Variants in MSH4 observed in about 807,000 individuals in gnomAD.
MSH4 encodes mutS homolog 4, also known as mutS protein homolog 4.
A neutral mutation model predicts 113.7 loss-of-function variants in MSH4; 106 were observed. That is an observed-to-expected ratio of 0.93 (90% CI 0.80 to 1.10). The LOEUF (loss-of-function observed/expected upper bound fraction) is 1.10. Among genes scored for constraint, MSH4 ranks in the 50% least tolerant of loss-of-function variants. The probability of loss-of-function intolerance (pLI) is 0.00; values close to 1 mark genes in which losing one functional copy is unlikely to be tolerated. For synonymous variants in MSH4, 368 were observed against 380.2 expected (o/e 0.97, Z 0.37); for missense variants, 1,061 against 1,093.7 (o/e 0.97, Z 0.42).
At chr1:75,877,074 C>G in intron 10 of MSH4, 74 bp downstream of exon 10, 1 of 971,362 alleles carries the variant, frequency 1.0e-6, no homozygotes, top group South Asian at 1.9e-5. Context: ...TTTAAAGACT[C>G]TAATTGTATT....
At chr1:75,906,250 T>C (rs1652627454) in intron 19 of MSH4, among the ~76,000 whole-genome samples, 1 of 150,670 alleles carries the variant, frequency 6.6e-6, no homozygotes, top group African/African-American at 2.4e-5. Flanking sequence ...TTAATCCATT[T>C]AGACACTCTT....
chr1:75,891,405 G>T (rs1013825106), intron 17 of MSH4, among the ~76,000 whole-genome samples: 2 of 151,868 alleles, frequency 1.3e-5, no homozygotes, highest in African/African-American at 4.8e-5. Flanking sequence ...TCCCTAAGAT[G>T]AAGTTATTTA....
chr1:75,872,537 C>G (rs929482658), intron 9 of MSH4, among the ~76,000 whole-genome samples: 2 of 152,128 alleles, frequency 1.3e-5, no homozygotes, highest in Admixed American at 6.5e-5. Context: ...AACGGATAAA[C>G]TGTTGCAGTT....
Position 75,890,718 on chromosome 1 carries a change from C to T in MSH4, c.2249C>T (p.Ala750Val), listed in dbSNP as rs766380672. 1 of 1,591,036 alleles carries T rather than the reference C, an allele frequency of 6.3e-7. No individual in the cohort carries two copies. The highest frequency in any genetic ancestry group is 8.6e-7 in the Non-Finnish European group (1 of 1,163,876). ...MKEIAYILHN[A>V]NDKSLILIDE... ...CAGATAGCATATATTCTACATAATGCTAATGACAAATCGCTCATATTAATT... is the reference window on the plus strand; with the variant it reads ...CAGATAGCATATATTCTACATAATGTTAATGACAAATCGCTCATATTAATT... Residue 750 changes from alanine (A) to valine (V), a missense_variant, in exon 17 of 20, where the codon GCT becomes GTT. Coordinates refer to ENST00000263187, the MANE Select transcript of MSH4 (RefSeq NM_002440.4).
At chr1:75,846,218 T>C (rs2100544665) in intron 7 of MSH4, among the ~76,000 whole-genome samples, 1 of 152,308 alleles carries the variant, frequency 6.6e-6, no homozygotes, top group East Asian at 1.9e-4. Flanking sequence ...TTCTCATTGT[T>C]TTCATGAATA....
At chr1:75,873,868 G>A (rs533607142) in intron 9 of MSH4, among the ~76,000 whole-genome samples, 1 of 152,142 alleles carries the variant, frequency 6.6e-6, no homozygotes, top group Non-Finnish European at 1.5e-5. Flanking sequence ...TGTGAACAGT[G>A]CTGCAGTGAA....
At chr1:75,885,055 G>GTATA (rs1469516814) in intron 15 of MSH4, among the ~76,000 whole-genome samples, 1,773 of 102,124 alleles carry the variant, frequency 0.017, 18 homozygotes, top group Non-Finnish European at 0.023. Context: ...GTGTGTGTGT[G>GTATA]TGTGTATATA....
chr1:75,882,542 A>G (rs5745477), intron 14 of MSH4, among the ~76,000 whole-genome samples: 11,040 of 151,960 alleles, frequency 0.073, 697 homozygotes, highest in East Asian at 0.27. Context: ...CCTTTTATAC[A>G]AAATTTCTCC....
intron 12 of MSH4, 53 bp from the exon 13 acceptor site, chr1:75,879,997 A>C (rs1287660634): frequency 1.3e-5 from 11 of 849,082 alleles, no homozygotes; most frequent in Admixed American, 1.1e-4. Context: ...AAAATCTTAC[A>C]TTTCATAGTA....
chr1:75,877,110 G>C, intron 10 of MSH4, 110 bp downstream of exon 10: 1 of 598,432 alleles, frequency 1.7e-6, no homozygotes, highest in Non-Finnish European at 2.7e-6. Flanking sequence ...TTGAGTTTTG[G>C]TTAACAGAAT....
At chr1:75,822,312 A>C (rs999562479) in intron 6 of MSH4, 97 bp from the exon 7 acceptor site, 14 of 724,364 alleles carry the variant, frequency 1.9e-5, no homozygotes, top group Non-Finnish European at 2.2e-5. Flanking sequence ...AAAAAGAATC[A>C]TTGCTGTAGA....
At chr1:75,798,307 G>A (rs1570935442) in intron 1 of MSH4, among the ~76,000 whole-genome samples, 1 of 151,932 alleles carries the variant, frequency 6.6e-6, no homozygotes, top group East Asian at 1.9e-4. Flanking sequence ...TTTTAATTTG[G>A]CTTCCTTGAT....
At chr1:75,827,739 A>G (rs901355013) in intron 7 of MSH4, among the ~76,000 whole-genome samples, 3 of 152,126 alleles carry the variant, frequency 2.0e-5, no homozygotes, top group Non-Finnish European at 4.4e-5. Flanking sequence ...TTAAACCAAC[A>G]AAGATCAAAA....
intron 7 of MSH4, among the ~76,000 whole-genome samples, chr1:75,831,249 T>C (rs1484699533): frequency 6.6e-6 from 1 of 152,190 alleles, no homozygotes; most frequent in Non-Finnish European, 1.5e-5. Flanking sequence ...CTCTCCTAAA[T>C]ATATATGCAC....
intron 9 of MSH4, 21 bp downstream of exon 9, chr1:75,867,609 G>T (rs779970850): frequency 2.1e-6 from 3 of 1,407,752 alleles, no homozygotes; most frequent in African/African-American, 1.5e-5. Flanking sequence ...TGTGTGTATC[G>T]TACAAAACAT....
intron 1 of MSH4, among the ~76,000 whole-genome samples, chr1:75,798,701 A>T (rs577786738): frequency 1.3e-5 from 2 of 151,594 alleles, no homozygotes; most frequent in South Asian, 4.2e-4. Context: ...GGACCAAGGC[A>T]TGTGCCCCTA....
chr1:75,848,208 G>C lies in MSH4; in HGVS notation c.1163-1G>C. 1 of 1,594,594 alleles carries C rather than the reference G, an allele frequency of 6.3e-7. No homozygotes were observed. The highest frequency in any genetic ancestry group is 8.6e-7 in the Non-Finnish European group (1 of 1,165,514). ...TACTCACATTTGTTTGTTTGTTTCAGTTATATCAAGATTTCTTGATACAGA... is the reference window on the plus strand; with the variant it reads ...TACTCACATTTGTTTGTTTGTTTCACTTATATCAAGATTTCTTGATACAGA... On this transcript the variant is annotated splice_acceptor_variant, in intron 7 of 19. Transcript: ENST00000263187. LOFTEE classifies it high-confidence loss of function.
intron 17 of MSH4, among the ~76,000 whole-genome samples, chr1:75,896,920 C>T (rs1261712201): frequency 2.0e-5 from 3 of 151,998 alleles, no homozygotes; most frequent in Non-Finnish European, 4.4e-5. Flanking sequence ...TTGTTTTATA[C>T]TCCTTTTGAT....
At chr1:75,906,316 GACTT>G (rs902476373) in intron 19 of MSH4, among the ~76,000 whole-genome samples, 12 of 146,792 alleles carry the variant, frequency 8.2e-5, no homozygotes, top group African/African-American at 3.0e-4. Context: ...TACTGATAAA[GACTT>G]ACTGCTACCA....
Sources: gnomAD v4.1 joint callset for allele counts (sites outside exome capture counted in the v4.1 genomes callset) on GRCh38, gnomAD v4.1.1 for gene constraint, MANE v1.5 for transcripts, NCBI Gene and HGNC (gene_info 2026-07-23, HGNC 2026-07-21) for gene names.